The following NKAIN2 variants were observed in gnomAD, a reference collection of about 807,000 sequenced individuals.
NKAIN2 encodes the protein sodium/potassium transporting ATPase interacting 2, also known as sodium/potassium-transporting ATPase subunit beta-1-interacting protein 2.
A neutral mutation model predicts 32.6 loss-of-function variants in NKAIN2; 14 were observed. That is an observed-to-expected ratio of 0.43 (90% CI 0.28 to 0.67). NKAIN2 has a LOEUF of 0.67. Ranked by LOEUF, NKAIN2 falls within the 30% of genes least tolerant of loss-of-function variation. NKAIN2 has a pLI of 0.17. For missense variants in NKAIN2, 198 were observed against 258.3 expected, an observed-to-expected ratio of 0.77 and a Z score of 1.60; for synonymous variants, 80 against 87.2, an observed-to-expected ratio of 0.92 and a Z score of 0.46.
At chr6:124,476,324 G>A (rs187061335) in intron 3 of NKAIN2, among the ~76,000 whole-genome samples, 92 of 148,580 alleles carry the variant, frequency 6.2e-4, no homozygotes, top group Admixed American at 3.1e-3. Flanking sequence ...ATTCAGAAGC[G>A]TCATTACCTC....
rs546816759 is a variant in NKAIN2 at position 124,518,503 on chromosome 6, A to C, written c.274-139683A>C. ...CTTCTAGGGAGACCTCCAGAGGCTTACAAGGTGAAGCAGGAGGAATCAAAA... is the reference window on the plus strand; with the variant it reads ...CTTCTAGGGAGACCTCCAGAGGCTTCCAAGGTGAAGCAGGAGGAATCAAAA... On this transcript the variant is annotated intron_variant, in intron 3 of 6. Coordinates refer to ENST00000368417, the MANE Select transcript of NKAIN2 (RefSeq NM_001040214.3). Among the ~76,000 whole-genome samples, 3 of 152,218 alleles carry C rather than the reference A, an allele frequency of 2.0e-5. No individual in the cohort carries two copies. The East Asian group carries it at 5.8e-4, about 29-fold the overall frequency.
At chr6:124,351,273 G>C (rs1287075214) in intron 2 of NKAIN2, among the ~76,000 whole-genome samples, 1 of 152,024 alleles carries the variant, frequency 6.6e-6, no homozygotes, top group Admixed American at 6.6e-5. Flanking sequence ...TGAGAAGTTT[G>C]AGAGGCTGAG....
intron 1 of NKAIN2, among the ~76,000 whole-genome samples, chr6:123,846,370 G>T (rs1775091769): frequency 6.6e-6 from 1 of 152,166 alleles, no homozygotes; most frequent in Non-Finnish European, 1.5e-5. Context: ...CCCTGAACTT[G>T]CTTCTAGTCT....
intron 1 of NKAIN2, among the ~76,000 whole-genome samples, chr6:123,919,160 T>C (rs1256758734): frequency 6.6e-6 from 1 of 152,156 alleles, no homozygotes; most frequent in African/African-American, 2.4e-5. Context: ...TTATAATTAT[T>C]TGTGAATTGT....
intron 4 of NKAIN2, among the ~76,000 whole-genome samples, chr6:124,787,598 G>A (rs1302269597): frequency 6.6e-6 from 1 of 152,126 alleles, no homozygotes; most frequent in East Asian, 1.9e-4. Flanking sequence ...GCTACCAACA[G>A]CTTTCTACTG....
intron 3 of NKAIN2, among the ~76,000 whole-genome samples, chr6:124,364,233 A>T (rs74418981): frequency 2.3e-5 from 2 of 86,658 alleles, no homozygotes; most frequent in African/African-American, 9.4e-5. Flanking sequence ...AGGGTTAAAA[A>T]TACCAAAAAA....
intron 4 of NKAIN2, among the ~76,000 whole-genome samples, chr6:124,718,065 T>C (rs1024296174): frequency 6.6e-6 from 1 of 152,322 alleles, no homozygotes; most frequent in South Asian, 2.1e-4. Context: ...GTCTTTTTTT[T>C]AACATCTTAC....
chr6:124,474,786 C>CTG (rs1213828008), intron 3 of NKAIN2, among the ~76,000 whole-genome samples: 2 of 128,574 alleles, frequency 1.6e-5, no homozygotes, highest in African/African-American at 5.2e-5. Context: ...TATCTTACCC[C>CTG]TGTATATATA....
chr6:124,076,673 T>C (rs1783712334), intron 1 of NKAIN2, among the ~76,000 whole-genome samples: 1 of 152,224 alleles, frequency 6.6e-6, no homozygotes, highest in Admixed American at 6.5e-5. Context: ...ATTAGTACCT[T>C]ACTTAGGTGG....
intron 1 of NKAIN2, among the ~76,000 whole-genome samples, chr6:123,986,203 G>A (rs1254574456): frequency 6.6e-6 from 1 of 152,140 alleles, no homozygotes; most frequent in Non-Finnish European, 1.5e-5. Context: ...CAACAGAGTA[G>A]CATTATATAT....
rs531705179 is a variant in NKAIN2, at chr6:124,591,040, C to T, written c.274-67146C>T. ...CACCAACAGGTGGGGTTTAGGAGCC[C>T]GATTTGCTTTTTGTGAGGGACCTGG... is the stretch of plus-strand genomic sequence containing the variant. On this transcript the variant is annotated intron_variant, in intron 3 of 6. Transcript: ENST00000368417. Among the ~76,000 whole-genome samples the T allele has an allele frequency of 3.0e-4, 45 of 152,252 alleles. 1 individual carries two copies. The South Asian group carries it at 8.9e-3, about 30-fold the overall frequency.
intron 5 of NKAIN2, among the ~76,000 whole-genome samples, chr6:124,808,439 C>A (rs1029882714): frequency 2.1e-4 from 32 of 152,330 alleles, no homozygotes; most frequent in Middle Eastern, 3.4e-3. Flanking sequence ...AACAACGCTT[C>A]ATGCTAAAAA....
At chr6:124,128,977 G>T (rs1471983047) in intron 1 of NKAIN2, among the ~76,000 whole-genome samples, 1 of 152,154 alleles carries the variant, frequency 6.6e-6, no homozygotes, top group African/African-American at 2.4e-5. Context: ...GATACACGAG[G>T]CTCAGGGTGA....
intron 1 of NKAIN2, among the ~76,000 whole-genome samples, chr6:123,853,073 C>G (rs1775416738): frequency 6.6e-6 from 1 of 152,148 alleles, no homozygotes; most frequent in Admixed American, 6.5e-5. Flanking sequence ...GATTCAGAGT[C>G]CTCATGTCTT....
At chr6:123,980,165 ATTC>A (rs1396346770) in intron 1 of NKAIN2, among the ~76,000 whole-genome samples, 2 of 152,208 alleles carry the variant, frequency 1.3e-5, no homozygotes, top group Admixed American at 1.3e-4. Flanking sequence ...AGAAGCCAGA[ATTC>A]TTCTTGCTAA....
chr6:124,405,222 T>C (rs573341925), intron 3 of NKAIN2, among the ~76,000 whole-genome samples: 4 of 152,198 alleles, frequency 2.6e-5, no homozygotes, highest in Non-Finnish European at 5.9e-5. Flanking sequence ...ATATGTTTTG[T>C]AAGCCTAAAA....
At chr6:124,408,148 C>T (rs1460956554) in intron 3 of NKAIN2, among the ~76,000 whole-genome samples, 1 of 151,908 alleles carries the variant, frequency 6.6e-6, no homozygotes, top group African/African-American at 2.4e-5. Flanking sequence ...CTGTAGGTTG[C>T]CTGTTCACTC....
intron 3 of NKAIN2, among the ~76,000 whole-genome samples, chr6:124,387,485 A>G (rs988052703): frequency 6.6e-6 from 1 of 152,094 alleles, no homozygotes; most frequent in Admixed American, 6.6e-5. Flanking sequence ...ATTACCTGTC[A>G]TCCTCTTATC....
At chr6:124,671,835 A>G (rs527975923) in intron 4 of NKAIN2, among the ~76,000 whole-genome samples, 1 of 152,056 alleles carries the variant, frequency 6.6e-6, no homozygotes, top group South Asian at 2.1e-4. Context: ...TTTCATTTTC[A>G]GTTCTAGGTG....
Sources: gnomAD v4.1 joint callset for allele counts (sites outside exome capture counted in the v4.1 genomes callset) on GRCh38, gnomAD v4.1.1 for gene constraint, MANE v1.5 for transcripts, NCBI Gene and HGNC (gene_info 2026-07-23, HGNC 2026-07-21) for gene names.